Variants in PACS1 observed in about 807,000 individuals in gnomAD.
The protein encoded by PACS1 is phosphofurin acidic cluster sorting protein 1, also known as PACS-1.
Under a neutral mutation model 115.0 loss-of-function variants are expected in PACS1, and 24 were observed. The observed-to-expected ratio is 0.21, with a 90% confidence interval of 0.15 to 0.29. PACS1 has a LOEUF of 0.29. Among genes scored for constraint, PACS1 ranks in the 10% least tolerant of loss-of-function variants. The pLI is 1.00. For missense variants in PACS1, 838 were observed against 1,251.2 expected (o/e 0.67, Z 4.98); for synonymous variants, 453 against 504.5 (o/e 0.90, Z 1.37).
intron 1 of PACS1, among the ~76,000 whole-genome samples, chr11:66,136,126 G>A (rs1264280531): frequency 1.3e-5 from 2 of 152,106 alleles, no homozygotes; most frequent in African/African-American, 2.4e-5. Flanking sequence ...ACGTCCTACG[G>A]GTTATGTGGC....
chr11:66,074,897 A>G (rs1330222597), intron 1 of PACS1, among the ~76,000 whole-genome samples: 2 of 151,732 alleles, frequency 1.3e-5, no homozygotes, highest in Non-Finnish European at 2.9e-5. Context: ...TACTAGGACA[A>G]ACTCTTCCAT....
At chr11:66,142,902 A>G (rs7109823) in intron 1 of PACS1, among the ~76,000 whole-genome samples, 2 of 151,524 alleles carry the variant, frequency 1.3e-5, no homozygotes, top group Non-Finnish European at 2.9e-5. Context: ...ACTTTCATGG[A>G]AAAAACCCGC....
At chr11:66,113,203 A>C (rs1858225990) in intron 1 of PACS1, among the ~76,000 whole-genome samples, 1 of 152,230 alleles carries the variant, frequency 6.6e-6, no homozygotes, top group South Asian at 2.1e-4. Flanking sequence ...TATTTCTCAA[A>C]GTTGAACTGG....
chr11:66,226,552 A>G lies in PACS1; in HGVS notation c.1294-952A>G, dbSNP rs185505238. On this transcript the variant is annotated intron_variant, in intron 10 of 23. Transcript: ENST00000320580. ...AAGAATGAGCCAGCCCCAAATGTCA[A>G]TCGTGCCAAGGTGGAGGAACCCTGG... Among the ~76,000 whole-genome samples the G allele has an allele frequency of 3.6e-3, 542 of 152,286 alleles. 4 individuals carry two copies. The highest frequency in any genetic ancestry group is 5.2e-3 in the Non-Finnish European group (355 of 68,008).
intron 1 of PACS1, among the ~76,000 whole-genome samples, chr11:66,149,486 G>T (rs2134606006): frequency 6.6e-6 from 1 of 152,070 alleles, no homozygotes; most frequent in South Asian, 2.1e-4. Context: ...AAAATAAGAG[G>T]TTTTTTTCCT....
rs527974889 is a variant in PACS1 at position 66,100,524 on chromosome 11, C to T, written c.356+29682C>T. 1.4e-4 allele frequency among the ~76,000 whole-genome samples: 21 copies of T among 152,236 alleles called. No homozygotes were observed. In the South Asian group the frequency reaches 3.9e-3, roughly 29 times the overall value. On this transcript the variant is annotated intron_variant, in intron 1 of 23. Transcript: ENST00000320580. Reference sequence around the variant, plus strand: ...CTCATAAGACAATAGAGGTGGAAAGCGAGAAGCCGATTTACTCTGCAAAAT... The same window carrying T: ...CTCATAAGACAATAGAGGTGGAAAGTGAGAAGCCGATTTACTCTGCAAAAT...
At chr11:66,186,908 GC>G (rs1317691362) in intron 1 of PACS1, among the ~76,000 whole-genome samples, 1 of 152,140 alleles carries the variant, frequency 6.6e-6, no homozygotes, top group African/African-American at 2.4e-5. Flanking sequence ...TCCAATCAGT[GC>G]CTCCACCTGC....
chr11:66,216,805 G>A (rs768904435), intron 7 of PACS1, 30 bp downstream of exon 7: 1 of 1,561,872 alleles, frequency 6.4e-7, no homozygotes, highest in Admixed American at 1.7e-5. Context: ...GGAGTGGTTG[G>A]CTAAGATTTT....
intron 1 of PACS1, among the ~76,000 whole-genome samples, chr11:66,103,215 G>A (rs963709426): frequency 2.0e-4 from 31 of 152,162 alleles, no homozygotes; most frequent in Admixed American, 2.0e-3. Flanking sequence ...TGAGTGAAAG[G>A]TATTCCTCTT....
At position 66,243,005 on chromosome 11, in the gene PACS1, C is replaced by A; in HGVS notation, c.2750C>A (p.Ala917Asp). 1 of 1,613,906 alleles carries A rather than the reference C, an allele frequency of 6.2e-7. No individual in the cohort carries two copies. Among genetic ancestry groups the A allele is most frequent in the Non-Finnish European group, 8.5e-7 (1 of 1,179,922 alleles). Residue 917 changes from alanine (A) to aspartate (D), a missense_variant, in exon 23 of 24, where the codon GCC (alanine) becomes GAC (aspartate). Physicochemically the swap from Ala to Asp is moderately radical, Grantham distance 126. Transcript: ENST00000320580. ...IEGISRLICS[A>D]KQQQTMLRVS... ...GGCATCAGCCGCCTCATCTGCTCAG[C>A]CAAGCAGCAGCAGACTATGCTGAGA...
intron 8 of PACS1, 135 bp from the exon 9 acceptor site, chr11:66,220,496 T>A (rs1020223037): frequency 8.8e-6 from 7 of 796,122 alleles, no homozygotes; most frequent in Non-Finnish European, 1.4e-5. Context: ...ACGTGAAGGT[T>A]ACTCCAGCCA....
At chr11:66,163,745 T>C (rs801734) in intron 1 of PACS1, among the ~76,000 whole-genome samples, 61,651 of 151,972 alleles carry the variant, frequency 0.41, 13,462 homozygotes, top group Non-Finnish European at 0.48. Flanking sequence ...GTTTTCTCTT[T>C]CTGAGTGCAG....
At chr11:66,213,416 C>T (rs1855124063) in intron 4 of PACS1, among the ~76,000 whole-genome samples, 1 of 152,220 alleles carries the variant, frequency 6.6e-6, no homozygotes, top group Non-Finnish European at 1.5e-5. Flanking sequence ...TGTACTTTCC[C>T]TGACCCAGCT....
At chr11:66,086,836 C>T (rs1307980162) in intron 1 of PACS1, among the ~76,000 whole-genome samples, 6 of 151,980 alleles carry the variant, frequency 3.9e-5, no homozygotes, top group South Asian at 2.1e-4. Flanking sequence ...AGGCTGATCT[C>T]GAACTCCTGA....
chr11:66,152,359 G>GT (rs1464209419), intron 1 of PACS1, among the ~76,000 whole-genome samples: 2 of 152,220 alleles, frequency 1.3e-5, no homozygotes, highest in African/African-American at 4.8e-5. Flanking sequence ...TTGAAGAAAA[G>GT]TGAGTAGAGC....
chr11:66,103,467 A>G (rs11227409), intron 1 of PACS1, among the ~76,000 whole-genome samples: 31,149 of 150,816 alleles, frequency 0.21, 3,340 homozygotes, highest in Middle Eastern at 0.29. Flanking sequence ...TCCCTTTGGA[A>G]TCTGGCATTT....
At chr11:66,161,212 G>A (rs1273636717) in intron 1 of PACS1, among the ~76,000 whole-genome samples, 3 of 152,204 alleles carry the variant, frequency 2.0e-5, no homozygotes, top group African/African-American at 4.8e-5. Flanking sequence ...GAGTGGTGCC[G>A]GCAGGCAAGA....
chr11:66,239,024 G>T (rs1162224487), intron 20 of PACS1, 118 bp from the exon 21 acceptor site: 4 of 1,505,072 alleles, frequency 2.7e-6, no homozygotes, highest in Admixed American at 3.6e-5. Flanking sequence ...GGTGGAAGGA[G>T]CCTGGGGCCA....
chr11:66,114,531 T>TTAAC (rs774234703), intron 1 of PACS1, among the ~76,000 whole-genome samples: 68 of 152,350 alleles, frequency 4.5e-4, no homozygotes, highest in African/African-American at 1.4e-3. Flanking sequence ...CACAGTTTAT[T>TTAAC]TAACTAATCC....
Sources: gnomAD v4.1 joint callset for allele counts (sites outside exome capture counted in the v4.1 genomes callset) on GRCh38, gnomAD v4.1.1 for gene constraint, MANE v1.5 for transcripts, NCBI Gene and HGNC (gene_info 2026-07-23, HGNC 2026-07-21) for gene names.